The following IRAK1BP1 variants were observed in gnomAD, a reference collection of about 807,000 sequenced individuals.
IRAK1BP1 encodes interleukin-1 receptor-associated kinase 1-binding protein 1.
IRAK1BP1 carries 24 observed loss-of-function variants against 28.0 expected under a neutral mutation model. The ratio of observed to expected loss-of-function variants is 0.86; its 90% CI spans 0.62 to 1.20. IRAK1BP1 has a LOEUF of 1.20. Ranked by LOEUF, IRAK1BP1 falls within the 50% of genes most tolerant of loss-of-function variation. The pLI, the probability that IRAK1BP1 is intolerant of heterozygous loss-of-function variation, is 0.00. For synonymous variants in IRAK1BP1, 131 were observed against 116.3 expected (o/e 1.13, Z -0.81); for missense variants, 336 against 316.7 (o/e 1.06, Z -0.46).
rs201812195 is a variant in IRAK1BP1 at position 78,897,970 on chromosome 6, G to A, written c.512+11G>A. Reference sequence around the variant, plus strand: ...TGTTGAGAATCTTCGGTAAGTTTAAGCACATCTTTAACTAAGATATTCTTT... The same window carrying A: ...TGTTGAGAATCTTCGGTAAGTTTAAACACATCTTTAACTAAGATATTCTTT... On this transcript the variant is annotated intron_variant, in intron 3 of 3. Coordinates refer to ENST00000369940, the MANE Select transcript of IRAK1BP1 (RefSeq NM_001010844.4). 3 of 1,613,054 alleles carry A rather than the reference G, an allele frequency of 1.9e-6. No homozygotes were observed. Among genetic ancestry groups the A allele is most frequent in the African/African-American group, 2.7e-5 (2 of 74,950 alleles).
At chr6:78,950,137 T>C (rs1774063266), downstream of IRAK1BP1, among the ~76,000 whole-genome samples, 2 of 152,244 alleles carry the variant, frequency 1.3e-5, no homozygotes, top group Non-Finnish European at 2.9e-5. Context: ...TTACTTGATA[T>C]AATCATGAGA....
chr6:78,975,632 C>T, the IRAK1BP1 span, among the ~76,000 whole-genome samples: 1 of 152,174 alleles, frequency 6.6e-6, no homozygotes, highest in Non-Finnish European at 1.5e-5. Flanking sequence ...ACCCCACTGT[C>T]TCAGCCCAAA....
At chr6:78,872,384 A>C (rs1407550903) in intron 1 of IRAK1BP1, among the ~76,000 whole-genome samples, 1 of 152,192 alleles carries the variant, frequency 6.6e-6, no homozygotes, top group African/African-American at 2.4e-5. Context: ...GAACATAGGC[A>C]TTGGCTAAAG....
the IRAK1BP1 span, among the ~76,000 whole-genome samples, chr6:78,968,008 G>C: frequency 1.3e-5 from 2 of 152,090 alleles, no homozygotes; most frequent in South Asian, 4.2e-4. Context: ...CGTGGTGGCA[G>C]GAGCCTGTAG....
intron 4 of IRAK1BP1, among the ~76,000 whole-genome samples, chr6:78,924,032 T>C (rs1476947480): frequency 6.6e-6 from 1 of 151,886 alleles, no homozygotes; most frequent in Non-Finnish European, 1.5e-5. Context: ...AGCAAACACA[T>C]TCAAAAGCTA....
chr6:78,893,312 GTGTATA>G (rs1451077234), intron 2 of IRAK1BP1, among the ~76,000 whole-genome samples: 70 of 64,204 alleles, frequency 1.1e-3, no homozygotes, highest in Middle Eastern at 7.0e-3. Flanking sequence ...GTGTGTGTGT[GTGTATA>G]TATATATATA....
At chr6:78,940,446 CCTAT>C (rs1362822241) in intron 4 of IRAK1BP1, 10 of 156,276 alleles carry the variant, frequency 6.4e-5, no homozygotes, top group Admixed American at 1.3e-4. Flanking sequence ...AAATGCATAA[CCTAT>C]CTAAGGGCAA....
At chr6:78,972,006 C>T in the IRAK1BP1 span, among the ~76,000 whole-genome samples, 7 of 151,956 alleles carry the variant, frequency 4.6e-5, no homozygotes, top group African/African-American at 1.7e-4. Flanking sequence ...CCGGGAAGCT[C>T]GAACTGGGTG....
chr6:78,943,432 A>G (rs1773612086), intron 4 of IRAK1BP1, among the ~76,000 whole-genome samples: 1 of 152,228 alleles, frequency 6.6e-6, no homozygotes, highest in African/African-American at 2.4e-5. Context: ...GGATTCATGA[A>G]TAAAAAGAAG....
chr6:78,930,643 T>A (rs1773017951), intron 4 of IRAK1BP1, among the ~76,000 whole-genome samples: 1 of 152,104 alleles, frequency 6.6e-6, no homozygotes. Flanking sequence ...GAAATACAAC[T>A]GTGTGGCTGG....
At chr6:78,970,347 G>GC in the IRAK1BP1 span, among the ~76,000 whole-genome samples, 1 of 151,832 alleles carries the variant, frequency 6.6e-6, no homozygotes, top group Non-Finnish European at 1.5e-5. Flanking sequence ...TTTATAGTAT[G>GC]CAAGTTACAA....
intron 4 of IRAK1BP1, chr6:78,937,315 G>A (rs1434273556): frequency 6.6e-6 from 1 of 151,618 alleles, no homozygotes; most frequent in Middle Eastern, 3.2e-3. Context: ...TTGTTAACTG[G>A]AGAAATTAAT....
At chr6:78,972,869 T>C in the IRAK1BP1 span, among the ~76,000 whole-genome samples, 2 of 152,140 alleles carry the variant, frequency 1.3e-5, no homozygotes, top group Non-Finnish European at 2.9e-5. Flanking sequence ...CCAAGAAATA[T>C]AGGACTATGT....
chr6:78,871,870 C>T, intron 1 of IRAK1BP1: 1 of 505,444 alleles, frequency 2.0e-6, no homozygotes, highest in Non-Finnish European at 3.5e-6. Context: ...TACTTGTATC[C>T]TTTGGCACTT....
chr6:78,867,681 G>C lies in IRAK1BP1; in HGVS notation c.105G>C (p.Pro35=). 2 of 1,614,202 alleles carry C rather than the reference G, an allele frequency of 1.2e-6. No individual in the cohort carries two copies. The highest frequency in any genetic ancestry group is 1.7e-6 in the Non-Finnish European group (2 of 1,180,044). ...NNLASGRETL[P]GLRHPLSSTQ... is the part of the protein sequence containing the mutation. The stretch of plus-strand genomic sequence containing the variant: ...TGGCCTCAGGGAGAGAGACGCTACC[G>C]GGCTTACGCCACCCCCTCTCCTCAA... The change falls in exon 1 of 4, where the codon CCG becomes CCC. Residue 35 remains proline, a synonymous_variant. Transcript: ENST00000369940.
chr6:78,870,258 G>C (rs1314732643), intron 1 of IRAK1BP1, among the ~76,000 whole-genome samples: 1 of 133,764 alleles, frequency 7.5e-6, no homozygotes, highest in African/African-American at 2.9e-5. Context: ...AAAAAAAAAA[G>C]AAAAGAAAAG....
chr6:78,921,888 A>G (rs529647333), intron 4 of IRAK1BP1, among the ~76,000 whole-genome samples: 2 of 152,336 alleles, frequency 1.3e-5, no homozygotes, highest in East Asian at 3.9e-4. Context: ...GAAAACTAAC[A>G]AACGGAAAGG....
intron 2 of IRAK1BP1, among the ~76,000 whole-genome samples, chr6:78,893,961 A>G (rs1771789560): frequency 6.6e-6 from 1 of 152,196 alleles, no homozygotes; most frequent in African/African-American, 2.4e-5. Flanking sequence ...ATTATAACAT[A>G]TGTAAAAATA....
the IRAK1BP1 span, chr6:78,955,000 C>CACTT: frequency 7.0e-7 from 1 of 1,418,948 alleles, no homozygotes; most frequent in South Asian, 1.4e-5. Context: ...AATAAAAGAG[C>CACTT]ACTTACACAA....
Sources: gnomAD v4.1 joint callset for allele counts (sites outside exome capture counted in the v4.1 genomes callset) on GRCh38, gnomAD v4.1.1 for gene constraint, MANE v1.5 for transcripts, NCBI Gene and HGNC (gene_info 2026-07-23, HGNC 2026-07-21) for gene names.